The following COL13A1 variants were observed in gnomAD, a reference collection of about 807,000 sequenced individuals.
COL13A1 encodes the protein collagen type XIII alpha 1 chain.
A neutral mutation model predicts 130.9 loss-of-function variants in COL13A1; 89 were observed. That is an observed-to-expected ratio of 0.68 (90% CI 0.57 to 0.81). The LOEUF (loss-of-function observed/expected upper bound fraction) is 0.81, where lower values mean the gene tolerates loss of function less well. COL13A1 is among the 30% of genes least tolerant of loss of function. The pLI is 0.00. For synonymous variants in COL13A1, 402 were observed against 341.6 expected, an observed-to-expected ratio of 1.18 and a Z score of -1.95; for missense variants, 879 against 934.6, an observed-to-expected ratio of 0.94 and a Z score of 0.78.
At chr10:69,893,527 T>A (rs35156591) in intron 10 of COL13A1, among the ~76,000 whole-genome samples, 11,377 of 152,290 alleles carry the variant, frequency 0.075, 461 homozygotes, top group Middle Eastern at 0.14. Context: ...CATCACAGCA[T>A]GCTGCGGCCA....
chr10:69,830,288 C>T (rs1564785607), intron 2 of COL13A1, among the ~76,000 whole-genome samples: 1 of 152,290 alleles, frequency 6.6e-6, no homozygotes, highest in East Asian at 1.9e-4. Flanking sequence ...TGCAACACTA[C>T]TGTAGTAAGA....
intron 5 of COL13A1, among the ~76,000 whole-genome samples, chr10:69,875,913 C>T (rs2059525477): frequency 6.6e-6 from 1 of 152,246 alleles, no homozygotes; most frequent in Non-Finnish European, 1.5e-5. Context: ...TTCCCATCAA[C>T]CTCTGCCTCA....
intron 34 of COL13A1, among the ~76,000 whole-genome samples, chr10:69,939,041 A>C (rs1338886899): frequency 6.6e-6 from 1 of 152,238 alleles, no homozygotes; most frequent in Non-Finnish European, 1.5e-5. Context: ...GGAAAGTGCC[A>C]GATGAAAGAC....
intron 27 of COL13A1, among the ~76,000 whole-genome samples, chr10:69,928,077 G>A (rs1048092119): frequency 5.3e-5 from 8 of 152,076 alleles, no homozygotes; most frequent in African/African-American, 1.4e-4. Context: ...ACTTGAACCC[G>A]GGAGGCGGAG....
intron 2 of COL13A1, among the ~76,000 whole-genome samples, chr10:69,836,540 C>T (rs1850120259): frequency 6.6e-6 from 1 of 152,206 alleles, no homozygotes; most frequent in African/African-American, 2.4e-5. Context: ...GGTCAGAGCT[C>T]CAGCTGCTCA....
Position 69,802,570 on chromosome 10 carries a change from G to A in COL13A1, c.147G>A (p.Thr49=). 2 of 1,610,900 alleles carry A rather than the reference G, an allele frequency of 1.2e-6. No individual in the cohort carries two copies. Among genetic ancestry groups the A allele is most frequent in the Non-Finnish European group, 1.7e-6 (2 of 1,178,708 alleles). ...GTCCAGGGTCGTGCGGGCTGCTGAC[G>A]CTGGCCCTCTGCTCGCTGGCACTCA... ...LPSPGSCGLL[T]LALCSLALSL... The change falls in exon 1 of 41, where the codon ACG becomes ACA. Residue 49 remains threonine, a synonymous_variant. Coordinates refer to ENST00000645393, the MANE Select transcript of COL13A1 (RefSeq NM_001368882.1).
chr10:69,824,035 G>C, intron 2 of COL13A1: 1 of 467,292 alleles, frequency 2.1e-6, no homozygotes, highest in South Asian at 1.6e-5. Context: ...GCTGGTCAAG[G>C]GCAGGATATT....
At chr10:69,883,821 G>C (rs967231438) in intron 7 of COL13A1, among the ~76,000 whole-genome samples, 1 of 152,248 alleles carries the variant, frequency 6.6e-6, no homozygotes, top group African/African-American at 2.4e-5. Context: ...TTACAAGGTT[G>C]TAGAAGGTCC....
intron 14 of COL13A1, among the ~76,000 whole-genome samples, chr10:69,902,258 TG>T (rs562171626): frequency 3.7e-4 from 56 of 152,344 alleles, no homozygotes; most frequent in African/African-American, 1.3e-3. Context: ...TTTGATCCTC[TG>T]GGTCAGATAA....
chr10:69,901,751 C>G (rs377750855), intron 14 of COL13A1, among the ~76,000 whole-genome samples: 31 of 152,256 alleles, frequency 2.0e-4, no homozygotes, highest in African/African-American at 7.0e-4. Context: ...TGCCCCAGCC[C>G]TGAAATCTGG....
At chr10:69,937,610 C>T in intron 33 of COL13A1, 25 bp from the exon 34 acceptor site, 1 of 1,097,162 alleles carries the variant, frequency 9.1e-7, no homozygotes, top group Non-Finnish European at 1.4e-6. Flanking sequence ...CTTGTGTGAT[C>T]TCGTCCCCTC....
Position 69,952,901 on chromosome 10 carries a change from G to T in COL13A1, c.2078G>T (p.Gly693Val). ...TTACAGGGGGAGAGGGGGAAGAAAG[G>T]CTCTAGAGGGCCTAAAGGGGATAAG... is the stretch of plus-strand genomic sequence containing the variant. ...KGNRGERGKKGSRGPKGDKGD... is the reference protein window; with the variant it reads ...KGNRGERGKKVSRGPKGDKGD... Residue 693 changes from glycine to valine, a missense_variant, in exon 39 of 41, where the codon GGC (glycine) becomes GTC (valine). Gly to Val is a moderately radical substitution (Grantham distance 109). Around this residue, in one of 3 missense-constraint regions of COL13A1, gnomAD observed 68 missense variants for 65.8 expected, o/e 1.03. Transcript: ENST00000645393. 1 of 1,554,974 alleles carries T rather than the reference G, an allele frequency of 6.4e-7. No homozygotes were observed. The highest frequency in any genetic ancestry group is 8.6e-7 in the Non-Finnish European group (1 of 1,159,302).
intron 19 of COL13A1, 23 bp downstream of exon 19, chr10:69,918,340 C>T: frequency 6.2e-7 from 1 of 1,611,886 alleles, no homozygotes; most frequent in Non-Finnish European, 8.5e-7. Flanking sequence ...TTGTAACCAA[C>T]ACATCAGGGA....
chr10:69,888,419 C>T, intron 9 of COL13A1, 89 bp downstream of exon 9: 12 of 1,527,618 alleles, frequency 7.9e-6, no homozygotes, highest in African/African-American at 1.4e-5. Context: ...TTGGAAAATG[C>T]TTTACTTAGA....
At chr10:69,940,911 C>T in intron 34 of COL13A1, 77 bp from the exon 35 acceptor site, 1 of 1,597,732 alleles carries the variant, frequency 6.3e-7, no homozygotes, top group East Asian at 2.2e-5. Flanking sequence ...CTCACCTCTT[C>T]CCTCCCCATT....
chr10:69,860,380 A>T (rs775359823), intron 2 of COL13A1, among the ~76,000 whole-genome samples: 14 of 152,206 alleles, frequency 9.2e-5, no homozygotes, highest in Non-Finnish European at 2.1e-4. Context: ...ACACAGCTCC[A>T]GTGTGCCAAG....
chr10:69,830,882 C>T (rs1329326612), intron 2 of COL13A1, among the ~76,000 whole-genome samples: 4 of 152,148 alleles, frequency 2.6e-5, no homozygotes, highest in African/African-American at 9.7e-5. Flanking sequence ...TTCCTTTTGG[C>T]AGCCATCCTC....
chr10:69,820,837 G>A (rs1845892189), intron 1 of COL13A1, among the ~76,000 whole-genome samples: 1 of 152,262 alleles, frequency 6.6e-6, no homozygotes, highest in South Asian at 2.1e-4. Flanking sequence ...TGTGCCAGGA[G>A]GCGTGAGTTC....
intron 16 of COL13A1, 128 bp downstream of exon 16, chr10:69,905,087 T>A: frequency 9.1e-7 from 1 of 1,099,564 alleles, no homozygotes; most frequent in Non-Finnish European, 1.3e-6. Flanking sequence ...AGATCAAGCT[T>A]GACCCACTTA....
Sources: gnomAD v4.1 joint callset for allele counts (sites outside exome capture counted in the v4.1 genomes callset) on GRCh38, gnomAD v4.1.1 for gene constraint, gnomAD v4.1.1 regional missense constraint, MANE v1.5 for transcripts, NCBI Gene and HGNC (gene_info 2026-07-23, HGNC 2026-07-21) for gene names.